Variants in SESN1 observed in about 807,000 individuals in gnomAD.
SESN1 encodes the protein sestrin-1.
In SESN1, 30 loss-of-function variants were observed where a neutral mutation model predicts 59.3. The observed-to-expected ratio is 0.51, with a 90% CI of 0.38 to 0.69. The LOEUF is 0.69. Ranked by LOEUF, SESN1 falls within the 30% of genes least tolerant of loss-of-function variation. The probability of loss-of-function intolerance (pLI) is 0.00; values close to 1 mark genes in which losing one functional copy is unlikely to be tolerated. For synonymous variants in SESN1, 197 were observed against 219.9 expected (o/e 0.90, Z 0.92); for missense variants, 566 against 673.0 (o/e 0.84, Z 1.76).
At chr6:109,057,994 A>G (rs763542121) in intron 1 of SESN1, among the ~76,000 whole-genome samples, 4 of 152,076 alleles carry the variant, frequency 2.6e-5, no homozygotes, top group Non-Finnish European at 4.4e-5. Flanking sequence ...TCAGTCAATG[A>G]TGTACTGCAT....
At chr6:109,009,962 AC>A (rs1478977028) in intron 1 of SESN1, among the ~76,000 whole-genome samples, 1 of 152,172 alleles carries the variant, frequency 6.6e-6, no homozygotes, top group Non-Finnish European at 1.5e-5. Flanking sequence ...AATTCGATAA[AC>A]TATTGAAATT....
chr6:109,015,636 T>A (rs577467885), intron 1 of SESN1, among the ~76,000 whole-genome samples: 1 of 152,288 alleles, frequency 6.6e-6, no homozygotes, highest in African/African-American at 2.4e-5. Context: ...AGGAATGGGT[T>A]TAATTTGGAA....
chr6:109,031,629 A>G (rs1273868048), intron 1 of SESN1, among the ~76,000 whole-genome samples: 1 of 152,184 alleles, frequency 6.6e-6, no homozygotes, highest in Non-Finnish European at 1.5e-5. Flanking sequence ...GGCAGCACTT[A>G]TCTCTAAGCA....
At chr6:109,000,746 G>A in intron 3 of SESN1, 73 bp from the exon 4 acceptor site, 1 of 1,180,110 alleles carries the variant, frequency 8.5e-7, no homozygotes, top group Non-Finnish European at 1.1e-6. Context: ...TTTACAACAT[G>A]CAAAAGAGCT....
chr6:109,008,130 C>G (rs570396602), intron 1 of SESN1, among the ~76,000 whole-genome samples: 78 of 152,292 alleles, frequency 5.1e-4, no homozygotes, highest in African/African-American at 1.9e-3. Flanking sequence ...AAGCCAAAAT[C>G]TATTTCTTTA....
intron 1 of SESN1, among the ~76,000 whole-genome samples, chr6:109,024,478 C>T (rs557643265): frequency 4.7e-4 from 72 of 152,152 alleles, no homozygotes; most frequent in Non-Finnish European, 9.8e-4. Flanking sequence ...CGCCCTCTCC[C>T]AGATTAGGTT....
intron 1 of SESN1, among the ~76,000 whole-genome samples, chr6:109,017,574 C>T (rs1293792337): frequency 5.9e-5 from 9 of 152,074 alleles, no homozygotes; most frequent in South Asian, 2.1e-4. Flanking sequence ...TGTGAGCCAC[C>T]GCGCCCGGCC....
At chr6:109,092,144 AT>A (rs1781325255) in intron 1 of SESN1, among the ~76,000 whole-genome samples, 1 of 152,260 alleles carries the variant, frequency 6.6e-6, no homozygotes, top group Non-Finnish European at 1.5e-5. Flanking sequence ...CTTGAAATAT[AT>A]ATTGCATAGT....
At chr6:109,032,327 G>A (rs533396539) in intron 1 of SESN1, among the ~76,000 whole-genome samples, 1 of 151,746 alleles carries the variant, frequency 6.6e-6, no homozygotes, top group East Asian at 1.9e-4. Context: ...CCCTGTACAT[G>A]AAAAGGTAAG....
chr6:109,090,138 TC>T (rs925165520), intron 1 of SESN1, among the ~76,000 whole-genome samples: 4 of 152,202 alleles, frequency 2.6e-5, no homozygotes, highest in African/African-American at 9.7e-5. Context: ...TTTGCAAACA[TC>T]ATTTATTTTA....
rs543494368 is a variant in SESN1 at position 109,026,687 on chromosome 6, T to G, written c.280-24344A>C. 3.3e-5 allele frequency among the ~76,000 whole-genome samples: 5 copies of G among 152,178 alleles called. No homozygotes were observed. In the South Asian group the frequency reaches 1.0e-3, roughly 32 times the overall value. On this transcript the variant is annotated intron_variant, in intron 1 of 9. Coordinates refer to ENST00000436639, the MANE Select transcript of SESN1 (RefSeq NM_014454.3). Reference sequence around the variant, plus strand: ...GCCCAACTAATTTTTGTATTTTTAGTAGCGACGGGGTTTCACCATGTTGGC... The same window carrying G: ...GCCCAACTAATTTTTGTATTTTTAGGAGCGACGGGGTTTCACCATGTTGGC...
chr6:109,004,006 C>G (rs1377772682), intron 1 of SESN1, among the ~76,000 whole-genome samples: 1 of 152,036 alleles, frequency 6.6e-6, no homozygotes, highest in South Asian at 2.1e-4. Context: ...AGACTTGGGA[C>G]TTTAGTATAC....
chr6:109,045,475 T>C (rs1344905252), intron 1 of SESN1, among the ~76,000 whole-genome samples: 2 of 152,214 alleles, frequency 1.3e-5, no homozygotes, highest in African/African-American at 2.4e-5. Flanking sequence ...CATTTCAGAT[T>C]GCATCTCTGC....
At chr6:109,042,770 TCC>T (rs762683674) in intron 1 of SESN1, among the ~76,000 whole-genome samples, 2 of 152,024 alleles carry the variant, frequency 1.3e-5, no homozygotes, top group Non-Finnish European at 2.9e-5. Flanking sequence ...ACTGGATAAC[TCC>T]ACCAAACATT....
chr6:109,003,944 G>T (rs1779677876), intron 1 of SESN1, among the ~76,000 whole-genome samples: 1 of 152,108 alleles, frequency 6.6e-6, no homozygotes, highest in Admixed American at 6.5e-5. Context: ...TAAACAAAAT[G>T]TATTTTAGGA....
chr6:109,023,552 A>G (rs1356558917), intron 1 of SESN1, among the ~76,000 whole-genome samples: 1 of 152,196 alleles, frequency 6.6e-6, no homozygotes, highest in Non-Finnish European at 1.5e-5. Flanking sequence ...CTTTTGGTCT[A>G]TGTTAAGAGT....
intron 1 of SESN1, among the ~76,000 whole-genome samples, chr6:109,032,332 G>A (rs376963362): frequency 2.6e-4 from 40 of 152,146 alleles, no homozygotes; most frequent in African/African-American, 9.2e-4. Context: ...TACATGAAAA[G>A]GTAAGGCTGG....
At chr6:109,091,528 T>A (rs1224854828) in intron 1 of SESN1, among the ~76,000 whole-genome samples, 1 of 152,240 alleles carries the variant, frequency 6.6e-6, no homozygotes, top group Non-Finnish European at 1.5e-5. Context: ...AGAACTCATC[T>A]GCTCTCCTTG....
intron 1 of SESN1, among the ~76,000 whole-genome samples, chr6:109,081,169 C>T (rs1023407079): frequency 1.3e-5 from 2 of 152,104 alleles, no homozygotes; most frequent in Non-Finnish European, 2.9e-5. Flanking sequence ...GCAGCCTTGA[C>T]CTCCTGGGCT....
Sources: allele counts gnomAD v4.1 joint callset (sites outside exome capture counted in the v4.1 genomes callset), GRCh38; gene constraint gnomAD v4.1.1; transcripts MANE v1.5; gene names NCBI Gene and HGNC (gene_info 2026-07-23, HGNC 2026-07-21).